Variants in MYCBP2 observed in about 807,000 individuals in gnomAD.
MYCBP2 encodes the protein MYC binding protein 2.
In MYCBP2, 120 loss-of-function variants were observed where a neutral mutation model predicts 525.3. The observed-to-expected ratio is 0.23, with a 90% CI of 0.20 to 0.27. The LOEUF is 0.27. Ranked by LOEUF, MYCBP2 falls within the 10% of genes least tolerant of loss-of-function variation. The probability of loss-of-function intolerance (pLI) is 1.00; values close to 1 mark genes in which losing one functional copy is unlikely to be tolerated. For synonymous variants in MYCBP2, 1,894 were observed against 1,955.8 expected (o/e 0.97, Z 0.83); for missense variants, 4,149 against 5,657.1 (o/e 0.73, Z 8.55).
chr13:77,083,325 A>G, intron 62 of MYCBP2, 133 bp from the exon 63 acceptor site: 3 of 747,914 alleles, frequency 4.0e-6, no homozygotes, highest in East Asian at 2.9e-5. Flanking sequence ...TGTACCCAGA[A>G]AGATACAGTA....
At chr13:77,190,198 T>C in intron 29 of MYCBP2, 54 bp downstream of exon 29, 3 of 1,208,530 alleles carry the variant, frequency 2.5e-6, no homozygotes, top group Non-Finnish European at 3.5e-6. Context: ...ATGATTCTAC[T>C]TCATTATAGC....
chr13:77,205,869 A>G (rs997673984), intron 24 of MYCBP2, among the ~76,000 whole-genome samples: 1 of 152,190 alleles, frequency 6.6e-6, no homozygotes, highest in African/African-American at 2.4e-5. Context: ...AATTCTTACA[A>G]GGTTCTTCCT....
intron 34 of MYCBP2, among the ~76,000 whole-genome samples, chr13:77,179,237 T>C (rs999669639): frequency 6.6e-6 from 1 of 152,146 alleles, no homozygotes; most frequent in African/African-American, 2.4e-5. Context: ...AAAAGTAAAA[T>C]AGAGAAAAGA....
chr13:77,121,903 G>A (rs2050768413), intron 54 of MYCBP2, among the ~76,000 whole-genome samples: 1 of 151,874 alleles, frequency 6.6e-6, no homozygotes, highest in African/African-American at 2.4e-5. Flanking sequence ...TATTAGAATA[G>A]AGAAAAAAAC....
chr13:77,193,787 C>T (rs1043969568), intron 27 of MYCBP2, among the ~76,000 whole-genome samples: 15 of 152,026 alleles, frequency 9.9e-5, no homozygotes, highest in Admixed American at 2.0e-4. Flanking sequence ...GACCACTTGA[C>T]GCTAATTATT....
intron 3 of MYCBP2, among the ~76,000 whole-genome samples, chr13:77,283,516 C>G (rs940228874): frequency 6.6e-6 from 1 of 152,136 alleles, no homozygotes; most frequent in Admixed American, 6.5e-5. Flanking sequence ...AAGAAATGAT[C>G]CTAGGTAAGT....
chr13:77,265,707 C>T (rs562019051), intron 8 of MYCBP2, among the ~76,000 whole-genome samples: 11 of 152,136 alleles, frequency 7.2e-5, no homozygotes, highest in African/African-American at 2.4e-4. Flanking sequence ...TTCCTACCCA[C>T]GAAAAACAAA....
chr13:77,234,999 T>G (rs1435933242), intron 17 of MYCBP2, among the ~76,000 whole-genome samples: 4 of 152,060 alleles, frequency 2.6e-5, no homozygotes, highest in Non-Finnish European at 5.9e-5. Context: ...GGCAATCATG[T>G]CTAAAAATTA....
chr13:77,059,855 A>G (rs73239440), intron 76 of MYCBP2, among the ~76,000 whole-genome samples: 3,410 of 152,298 alleles, frequency 0.022, 59 homozygotes, highest in Middle Eastern at 0.078. Context: ...CTCTCGACTA[A>G]TATTTTTTTT....
Position 77,263,971 on chromosome 13 carries a change from G to A in MYCBP2, c.1389C>T (p.Phe463=). Residue 463 remains phenylalanine (F), a synonymous_variant, in exon 9 of 83, where the codon TTC becomes TTT. Coordinates refer to ENST00000544440, the MANE Select transcript of MYCBP2 (RefSeq NM_015057.5). ...DCHTEGQNIL[F]TDGEYINQIA... ...TCTGATTAATATATTCTCCATCAGTGAATAAAATATTTTGACCTTCAGTGT... is the reference window on the plus strand; with the variant it reads ...TCTGATTAATATATTCTCCATCAGTAAATAAAATATTTTGACCTTCAGTGT... 6.2e-7 allele frequency: 1 copy of A among 1,612,510 alleles called. No homozygotes were observed.
intron 26 of MYCBP2, among the ~76,000 whole-genome samples, chr13:77,204,097 G>C (rs1244450049): frequency 2.7e-5 from 4 of 149,852 alleles, no homozygotes; most frequent in Non-Finnish European, 3.0e-5. Context: ...ACTACCATCA[G>C]AGTGAACAGG....
At chr13:77,296,474 G>A in intron 2 of MYCBP2, 125 bp downstream of exon 2, 2 of 1,008,734 alleles carry the variant, frequency 2.0e-6, no homozygotes, top group South Asian at 2.0e-5. Flanking sequence ...ATCATAAAGG[G>A]CTTTTACAAA....
At chr13:77,195,549 A>G (rs1439660344) in intron 26 of MYCBP2, among the ~76,000 whole-genome samples, 1 of 152,190 alleles carries the variant, frequency 6.6e-6, no homozygotes, top group African/African-American at 2.4e-5. Context: ...GAGAGCCAAG[A>G]TGGCATCACT....
intron 59 of MYCBP2, among the ~76,000 whole-genome samples, chr13:77,092,097 C>G (rs542416823): frequency 4.8e-5 from 7 of 147,248 alleles, no homozygotes; most frequent in Non-Finnish European, 7.5e-5. Flanking sequence ...AAAAAAAAAC[C>G]TCATTTGGAT....
intron 23 of MYCBP2, 52 bp downstream of exon 23, chr13:77,211,115 G>C: frequency 1.5e-6 from 2 of 1,320,422 alleles, no homozygotes; most frequent in Non-Finnish European, 2.0e-6. Context: ...ATTACCATAA[G>C]AGTATAACTG....
chr13:77,267,844 G>C lies in MYCBP2; in HGVS notation c.1354C>G (p.Pro452Ala). The stretch of plus-strand genomic sequence containing the variant: ...AAAATGACTACTTGAAACATACCTG[G>C]TAACATCACAGTACCATCTTGCTCC... ...TLEQDGTVML[P>A]DCHTEGQNIL... The change falls in exon 8 of 83, where the codon CCA becomes GCA. Residue 452 changes from proline to alanine, a missense_variant. Physicochemically the swap from Pro to Ala is conservative, Grantham distance 27. Coordinates refer to ENST00000544440, the MANE Select transcript of MYCBP2 (RefSeq NM_015057.5). 6.2e-7 allele frequency: 1 copy of C among 1,611,548 alleles called. No homozygotes were observed. The highest frequency in any genetic ancestry group is 8.5e-7 in the Non-Finnish European group (1 of 1,178,014).
chr13:77,199,639 CCTGT>C (rs2062217084), intron 26 of MYCBP2, among the ~76,000 whole-genome samples: 1 of 152,188 alleles, frequency 6.6e-6, no homozygotes. Flanking sequence ...CTTAAATGTC[CCTGT>C]CTGACAGCTT....
intron 41 of MYCBP2, among the ~76,000 whole-genome samples, chr13:77,166,015 C>T (rs1336367711): frequency 6.6e-6 from 1 of 152,130 alleles, no homozygotes; most frequent in Non-Finnish European, 1.5e-5. Context: ...AATAAAAGAT[C>T]TAATCCATTG....
chr13:77,164,718 T>C (rs556181004), intron 42 of MYCBP2, among the ~76,000 whole-genome samples, 177 bp from the exon 43 acceptor site: 1 of 152,338 alleles, frequency 6.6e-6, no homozygotes, highest in East Asian at 1.9e-4. Flanking sequence ...TCAGGCTGGT[T>C]ATAAGGTTCA....
Sources: gnomAD v4.1 joint callset for allele counts (sites outside exome capture counted in the v4.1 genomes callset) on GRCh38, gnomAD v4.1.1 for gene constraint, MANE v1.5 for transcripts, NCBI Gene and HGNC (gene_info 2026-07-23, HGNC 2026-07-21) for gene names.